MGAT5: variants seen among roughly 807,000 people sequenced by gnomAD.
The protein encoded by MGAT5 is alpha-1,6-mannosylglycoprotein 6-beta-N-acetylglucosaminyltransferase.
In MGAT5, 30 loss-of-function variants were observed where a neutral mutation model predicts 94.3. The observed-to-expected ratio is 0.32, with a 90% confidence interval of 0.24 to 0.43. The LOEUF is 0.43. Among genes scored for constraint, MGAT5 ranks in the 20% least tolerant of loss-of-function variants. The pLI, the probability that MGAT5 is intolerant of heterozygous loss-of-function variation, is 1.00. For synonymous variants in MGAT5, 310 were observed against 322.9 expected, an observed-to-expected ratio of 0.96 and a Z score of 0.43; for missense variants, 691 against 905.5, an observed-to-expected ratio of 0.76 and a Z score of 3.04.
At chr2:134,425,155 A>T (rs943686135) in intron 13 of MGAT5, among the ~76,000 whole-genome samples, 11 of 152,226 alleles carry the variant, frequency 7.2e-5, no homozygotes, top group African/African-American at 2.7e-4. Context: ...TGAAAAGCAA[A>T]GATAAGGAAG....
chr2:134,256,713 G>A (rs1682983886), intron 1 of MGAT5, among the ~76,000 whole-genome samples: 1 of 152,178 alleles, frequency 6.6e-6, no homozygotes, highest in Admixed American at 6.5e-5. Context: ...GCATCTCAAA[G>A]AAACTATAGA....
intron 1 of MGAT5, among the ~76,000 whole-genome samples, chr2:134,230,055 C>G (rs77573788): frequency 0.016 from 2,396 of 152,290 alleles, 41 homozygotes; most frequent in East Asian, 0.1. Context: ...GAGAGATTTA[C>G]TAAAACAGCA....
chr2:134,315,409 G>A (rs1573777009), intron 2 of MGAT5, among the ~76,000 whole-genome samples: 1 of 152,240 alleles, frequency 6.6e-6, no homozygotes, highest in African/African-American at 2.4e-5. Context: ...AAATCAGAAT[G>A]AAAAATAGTG....
At chr2:134,217,238 GGTGTGTGTGTGT>G (rs35795776) in intron 1 of MGAT5, among the ~76,000 whole-genome samples, 1 of 145,108 alleles carries the variant, frequency 6.9e-6, no homozygotes, top group Non-Finnish European at 1.5e-5. Flanking sequence ...GAGAGAGAGT[GGTGTGTGTGTGT>G]GTGTGTGTGT....
chr2:134,156,187 G>T (rs1687471823), intron 1 of MGAT5, among the ~76,000 whole-genome samples: 1 of 152,164 alleles, frequency 6.6e-6, no homozygotes, highest in African/African-American at 2.4e-5. Flanking sequence ...GCCGGTCTGT[G>T]CATGAGATCT....
chr2:134,192,518 C>T (rs1679277200), intron 1 of MGAT5, among the ~76,000 whole-genome samples: 1 of 152,116 alleles, frequency 6.6e-6, no homozygotes, highest in African/African-American at 2.4e-5. Flanking sequence ...TACAATTTTA[C>T]TGAAAGAAAC....
intron 1 of MGAT5, among the ~76,000 whole-genome samples, chr2:134,191,555 A>AG (rs1679169876): frequency 7.1e-6 from 1 of 140,228 alleles, no homozygotes; most frequent in African/African-American, 2.7e-5. Flanking sequence ...TCCTGATAGG[A>AG]GGGTGGGTTC....
chr2:134,175,092 G>A (rs146158904), intron 1 of MGAT5, among the ~76,000 whole-genome samples: 7 of 152,338 alleles, frequency 4.6e-5, no homozygotes, highest in Admixed American at 3.9e-4. Context: ...GGGAGTATGT[G>A]TCCGGGTGTG....
At chr2:134,180,705 AC>A (rs1558973253) in intron 1 of MGAT5, among the ~76,000 whole-genome samples, 1 of 152,090 alleles carries the variant, frequency 6.6e-6, no homozygotes, top group Non-Finnish European at 1.5e-5. Flanking sequence ...TTCTACTTTG[AC>A]CTGACCTGGA....
At chr2:134,185,616 G>T (rs1010624364) in intron 1 of MGAT5, among the ~76,000 whole-genome samples, 1 of 152,094 alleles carries the variant, frequency 6.6e-6, no homozygotes, top group Non-Finnish European at 1.5e-5. Context: ...ACTGATTCAG[G>T]TACTGGGCCC....
chr2:134,189,606 T>TGTTTTGTTTTGTTTTGTTTTG (rs1399203387), intron 1 of MGAT5, among the ~76,000 whole-genome samples: 1 of 108,572 alleles, frequency 9.2e-6, no homozygotes, highest in Non-Finnish European at 1.9e-5. Context: ...TTTTTTGTTT[T>TGTTTTGTTTTGTTTTGTTTTG]TTTTTTTTTT....
At chr2:134,182,031 G>A (rs551677487) in intron 1 of MGAT5, among the ~76,000 whole-genome samples, 1 of 152,134 alleles carries the variant, frequency 6.6e-6, no homozygotes, top group Non-Finnish European at 1.5e-5. Flanking sequence ...AATGTAAAAC[G>A]GTGAAGAAGT....
chr2:134,205,569 CT>C (rs939642623), intron 1 of MGAT5, among the ~76,000 whole-genome samples: 2 of 152,186 alleles, frequency 1.3e-5, no homozygotes, highest in African/African-American at 2.4e-5. Flanking sequence ...CAGCGGCTCT[CT>C]TTCGGGCCTG....
At chr2:134,375,155 A>C (rs80215962) in intron 10 of MGAT5, among the ~76,000 whole-genome samples, 2,177 of 152,298 alleles carry the variant, frequency 0.014, 60 homozygotes, top group African/African-American at 0.049. Flanking sequence ...TGTTCCAGGC[A>C]TGGCCTTCAC....
rs182471799 is a variant in MGAT5 at position 134,363,946 on chromosome 2, C to T, written c.1380+1538C>T. On this transcript the variant is annotated intron_variant, in intron 10 of 15. Transcript: ENST00000281923. The stretch of plus-strand genomic sequence containing the variant: ...TGTTTGTGAAATTAATGGTTTACGG[C>T]ATTGGTTTTAGGAGGACTGTGGCTT... Among the ~76,000 whole-genome samples the T allele has an allele frequency of 2.1e-3, 320 of 152,256 alleles. 1 individual carries two copies. Among genetic ancestry groups the T allele is most frequent in the African/African-American group, 7.5e-3 (312 of 41,540 alleles).
At chr2:134,135,616 C>T (rs764801212) in intron 1 of MGAT5, among the ~76,000 whole-genome samples, 2 of 141,708 alleles carry the variant, frequency 1.4e-5, no homozygotes, top group East Asian at 4.4e-4. Context: ...TGCTTGAACC[C>T]GGGAGATGGA....
chr2:134,163,578 A>G (rs1477360057), intron 1 of MGAT5, among the ~76,000 whole-genome samples: 2 of 152,210 alleles, frequency 1.3e-5, no homozygotes, highest in African/African-American at 4.8e-5. Context: ...GATGTGATTG[A>G]GTTGGATGCT....
intron 1 of MGAT5, among the ~76,000 whole-genome samples, chr2:134,165,101 A>C (rs1311524113): frequency 2.0e-5 from 3 of 152,206 alleles, no homozygotes; most frequent in Admixed American, 6.5e-5. Context: ...GCCATTAGTC[A>C]ACTGGCTTTT....
rs1387848280 is a variant in MGAT5, at chr2:134,452,724, G to C, written c.*3877G>C. 6.6e-6 allele frequency: 1 copy of C among 152,170 alleles called. No homozygotes were observed. The highest frequency in any genetic ancestry group is 1.5e-5 in the Non-Finnish European group (1 of 68,018). The allele number at this position is 152,170 out of a possible 1,614,324, so 9.4% of individuals were successfully genotyped here. ...TATTTTGTTAACGACAGGCTCTGTT[G>C]TATGTGTTACTATCCCAAGCCTGGA... On this transcript the variant is annotated 3_prime_UTR_variant, in exon 16 of 16. Coordinates refer to ENST00000281923, the MANE Select transcript of MGAT5 (RefSeq NM_002410.5).
Sources: allele counts gnomAD v4.1 joint callset (sites outside exome capture counted in the v4.1 genomes callset), GRCh38; gene constraint gnomAD v4.1.1; transcripts MANE v1.5; gene names NCBI Gene and HGNC (gene_info 2026-07-23, HGNC 2026-07-21).